The following HDGFL2 variants were observed in gnomAD, a reference collection of about 807,000 sequenced individuals.
HDGFL2 encodes hepatoma-derived growth factor-related protein 2.
In HDGFL2, 36 loss-of-function variants were observed where a neutral mutation model predicts 77.1. The ratio of observed to expected loss-of-function variants is 0.47; its 90% CI spans 0.36 to 0.62. HDGFL2 has a LOEUF of 0.62. HDGFL2 is among the 20% of genes least tolerant of loss of function. HDGFL2 has a pLI of 0.00. For missense variants in HDGFL2, 976 were observed against 973.4 expected (o/e 1.00, Z -0.04); for synonymous variants, 463 against 413.1 (o/e 1.12, Z -1.46).
At position 4,494,185 on chromosome 19, in the gene HDGFL2, C is replaced by T. The variant is rs1975633320; in HGVS notation, c.934C>T (p.Arg312Cys). The change falls in exon 9 of 16, where the codon CGC (arginine) becomes TGC (cysteine). Residue 312 changes from arginine (R) to cysteine (C), a missense_variant. This residue lies in a region of HDGFL2 where 567 missense variants were observed against 534.7 expected (regional missense o/e 1.06). Coordinates refer to ENST00000616600, the MANE Select transcript of HDGFL2 (RefSeq NM_001001520.3). ...CTCCAGTGACAGCGACGAGGTGGAC[C>T]GCATCAGTGAGTGGAAGCGGCGGGA... ...SSDSDSDEVD[R>C]ISEWKRRDEA... 4.7e-6 allele frequency: 7 copies of T among 1,491,340 alleles called. No homozygotes were observed. The highest frequency in any genetic ancestry group is 4.4e-6 in the Non-Finnish European group (5 of 1,123,876). 92.4% of individuals were successfully genotyped at this position (1,491,340 alleles called of 1,614,324 possible).
intron 10 of HDGFL2, chr19:4,497,361 C>T (rs572941506): frequency 1.4e-4 from 45 of 327,992 alleles, no homozygotes; most frequent in African/African-American, 8.5e-4. Context: ...CCACACCCGG[C>T]TAATTTTTTG....
Position 4,475,451 on chromosome 19 carries a change from C to T in HDGFL2, c.156C>T (p.Phe52=). Residue 52 remains phenylalanine, a synonymous_variant, in exon 3 of 16, where the codon TTC becomes TTT. Coordinates refer to ENST00000616600, the MANE Select transcript of HDGFL2 (RefSeq NM_001001520.3). ...CCCCGTTTCCCTTCTCCAGAGCCTT[C>T]CTGGGACCCAAGGACCTGTTCCCCT... ...IFFFGTHETA[F]LGPKDLFPYD... is the part of the protein sequence containing the mutation. The T allele has an allele frequency of 2.5e-6, 4 of 1,613,694 alleles. 1 individual carries two copies. In the South Asian group the frequency reaches 4.4e-5, roughly 18 times the overall value.
chr19:4,492,564 C>T (rs1365787585), intron 6 of HDGFL2, among the ~76,000 whole-genome samples: 4 of 147,826 alleles, frequency 2.7e-5, no homozygotes, highest in Admixed American at 2.0e-4. Context: ...GTTTGTGTGT[C>T]TGGTGTGTCC....
rs368511467 is a variant in HDGFL2, at chr19:4,473,136, G to C, written c.72+714G>C. ...CGGGCCCGAGGAAGCGGTGCCCTGG[G>C]GGTCTGGGGCCTGATAAATTCTCAC... On this transcript the variant is annotated intron_variant, in intron 1 of 15. Transcript: ENST00000616600. 3.2e-3 allele frequency among the ~76,000 whole-genome samples: 480 copies of C among 151,222 alleles called. 1 individual carries two copies. Among genetic ancestry groups the C allele is most frequent in the African/African-American group, 0.01 (432 of 41,154 alleles).
Position 4,491,690 on chromosome 19 carries a change from A to C in HDGFL2, c.606+8A>C, listed in dbSNP as rs577587417. 71 of 1,613,952 alleles carry C rather than the reference A, an allele frequency of 4.4e-5. 1 individual carries two copies. In the South Asian group the frequency reaches 6.9e-4, roughly 16 times the overall value. On this transcript the variant is annotated splice_region_variant and intron_variant, in intron 5 of 15. Coordinates refer to ENST00000616600, the MANE Select transcript of HDGFL2 (RefSeq NM_001001520.3). ...GAGAAGACCAGCGACCAGGTGGGCC[A>C]GTGGCTCCTTGGGATGGCAGGGAAG...
chr19:4,494,224 C>A lies in HDGFL2; in HGVS notation c.973C>A (p.Arg325Ser). 1 of 1,462,588 alleles carries A rather than the reference C, an allele frequency of 6.8e-7. No individual in the cohort carries two copies. Among genetic ancestry groups the A allele is most frequent in the Non-Finnish European group, 9.0e-7 (1 of 1,111,138 alleles). The allele number at this position is 1,462,588 out of a possible 1,614,324, so 90.6% of individuals were successfully genotyped here. A position where few individuals can be genotyped will look rare whatever the true frequency, so the allele number is the denominator to read the frequency against. ...GAAGCGGCGGGACGAGGCGCGGAGG[C>A]GCGAGCTGGAGGCCCGGCGGCGGCG... The part of the protein sequence containing the change: ...EWKRRDEARR[R>S]ELEARRRREQ... The change falls in exon 9 of 16, where the codon CGC becomes AGC. Residue 325 changes from arginine (R) to serine (S), a missense_variant. Arg to Ser is a moderately radical substitution (Grantham distance 110). This residue lies in a region of HDGFL2 where 567 missense variants were observed against 534.7 expected (regional missense o/e 1.06). Transcript: ENST00000616600.
At position 4,502,106 on chromosome 19, in the gene HDGFL2, C is replaced by T. The variant is rs1362630220; in HGVS notation, c.*96C>T. ...GCAGAGCAGAGAACTGTGGGGAACG[C>T]TGTGCTGTTTGTATTTGTTCCCTTG... is the stretch of plus-strand genomic sequence containing the variant. On this transcript the variant is annotated 3_prime_UTR_variant, in exon 16 of 16. Transcript: ENST00000616600. 11 of 881,748 alleles carry T rather than the reference C, an allele frequency of 1.2e-5. No homozygotes were observed. The highest frequency in any genetic ancestry group is 2.1e-4 in the Middle Eastern group (1 of 4,762). 54.6% of individuals were successfully genotyped at this position (881,748 alleles called of 1,614,324 possible).
In HDGFL2 at chr19:4,501,307, G is replaced by GACC. The variant is rs1975873098; in HGVS notation, c.1907_1909dup (p.Asp636_Leu637insHis). 1.9e-6 allele frequency: 3 copies of GACC among 1,602,554 alleles called. No homozygotes were observed. The East Asian group carries it at 6.7e-5, about 36-fold the overall frequency. On this transcript the variant is annotated inframe_insertion, in exon 15 of 16. Transcript: ENST00000616600. The stretch of plus-strand genomic sequence containing the variant: ...GGGGCCAAGGTGTGGCTCCTCTGAA[G>GACC]ACCTGCACGAGTGAGTGTCCCGGGC...
chr19:4,499,718 G>C lies in HDGFL2; in HGVS notation c.1789+14G>C, dbSNP rs564218971. On this transcript the variant is annotated intron_variant, in intron 14 of 15. Coordinates refer to ENST00000616600, the MANE Select transcript of HDGFL2 (RefSeq NM_001001520.3). ...AGCCCAGCACCGGTGAGGGGCGGGT[G>C]GGGTGGGCCCTGTACCTCAGTCTCC... The C allele has an allele frequency of 6.5e-7, 1 of 1,530,948 alleles. No homozygotes were observed. The highest frequency in any genetic ancestry group is 1.4e-5 in the African/African-American group (1 of 73,550). The allele number at this position is 1,530,948 out of a possible 1,614,324, so 94.8% of individuals were successfully genotyped here.
intron 14 of HDGFL2, among the ~76,000 whole-genome samples, chr19:4,500,348 A>G (rs931909234): frequency 2.7e-5 from 4 of 149,892 alleles, no homozygotes; most frequent in African/African-American, 9.9e-5. Flanking sequence ...GTGCAGTGGT[A>G]CAATCACAGC....
intron 6 of HDGFL2, 90 bp downstream of exon 6, chr19:4,491,925 C>T: frequency 8.2e-7 from 1 of 1,214,934 alleles, no homozygotes; most frequent in Non-Finnish European, 1.2e-6. Context: ...CGGGCCATTT[C>T]TGGAGGGGGT....
intron 9 of HDGFL2, among the ~76,000 whole-genome samples, chr19:4,495,800 A>T (rs1310731404): frequency 2.6e-5 from 4 of 152,070 alleles, no homozygotes; most frequent in Non-Finnish European, 4.4e-5. Flanking sequence ...GGTGACTGTC[A>T]GGACTCTCCT....
chr19:4,490,026 T>G (rs918101018), intron 4 of HDGFL2, among the ~76,000 whole-genome samples: 6 of 152,170 alleles, frequency 3.9e-5, no homozygotes, highest in Admixed American at 6.5e-5. Context: ...CCGCCTTCCT[T>G]CACCAAGCGT....
chr19:4,498,168 C>T lies in HDGFL2; in HGVS notation c.1402+137C>T, dbSNP rs545720635. Reference sequence around the variant, plus strand: ...CCTCGGCCGGCCTGGCCGGCGGTGCCTCCAGGGGTGGGGGCTGAGCCTGCA... The same window carrying T: ...CCTCGGCCGGCCTGGCCGGCGGTGCTTCCAGGGGTGGGGGCTGAGCCTGCA... On this transcript the variant is annotated intron_variant, in intron 11 of 15. Coordinates refer to ENST00000616600, the MANE Select transcript of HDGFL2 (RefSeq NM_001001520.3). 2.1e-4 allele frequency: 242 copies of T among 1,142,188 alleles called. 1 individual carries two copies. In the African/African-American group the frequency reaches 3.2e-3, roughly 15 times the overall value. 70.8% of individuals were successfully genotyped at this position (1,142,188 alleles called of 1,614,324 possible).
intron 15 of HDGFL2, 90 bp from the exon 16 acceptor site, chr19:4,501,821 A>T: frequency 1.1e-6 from 1 of 938,244 alleles, no homozygotes; most frequent in Non-Finnish European, 1.5e-6. Context: ...CAACGGGGGT[A>T]CACTCCTCGG....
At chr19:4,494,562 C>T (rs938059115) in intron 9 of HDGFL2, 87 bp downstream of exon 9, 12 of 1,033,390 alleles carry the variant, frequency 1.2e-5, no homozygotes, top group Admixed American at 4.1e-5. Context: ...TCCCAGGTTC[C>T]GGGACCCATC....
chr19:4,496,642 G>A (rs755379980), intron 10 of HDGFL2, among the ~76,000 whole-genome samples: 50 of 152,164 alleles, frequency 3.3e-4, no homozygotes, highest in Admixed American at 2.0e-4. Flanking sequence ...ACACGGCCAC[G>A]TCCGGGGACA....
At chr19:4,481,804 A>C (rs1407820517) in intron 3 of HDGFL2, among the ~76,000 whole-genome samples, 1 of 152,042 alleles carries the variant, frequency 6.6e-6, no homozygotes, top group African/African-American at 2.4e-5. Flanking sequence ...CTGACCCCTC[A>C]GCGGGCTCCT....
At chr19:4,500,859 G>A (rs1443365552) in intron 14 of HDGFL2, among the ~76,000 whole-genome samples, 1 of 152,128 alleles carries the variant, frequency 6.6e-6, no homozygotes, top group Non-Finnish European at 1.5e-5. Flanking sequence ...CTCACGTCTC[G>A]GCCTCCCACG....
Sources: gnomAD v4.1 joint callset for allele counts (sites outside exome capture counted in the v4.1 genomes callset) on GRCh38, gnomAD v4.1.1 for gene constraint, gnomAD v4.1.1 regional missense constraint, MANE v1.5 for transcripts, NCBI Gene and HGNC (gene_info 2026-07-23, HGNC 2026-07-21) for gene names.